Variants in RNF220 observed in about 807,000 individuals in gnomAD.
RNF220 encodes ring finger protein 220.
RNF220 carries 7 observed loss-of-function variants against 67.1 expected under a neutral mutation model. That is an observed-to-expected ratio of 0.10 (90% confidence interval 0.06 to 0.20). The LOEUF is 0.20. RNF220 is among the 10% of genes least tolerant of loss of function. The pLI, the probability that RNF220 is intolerant of heterozygous loss-of-function variation, is 1.00. For synonymous variants in RNF220, 270 were observed against 283.2 expected (o/e 0.95, Z 0.47); for missense variants, 565 against 740.3 (o/e 0.76, Z 2.75).
chr1:44,570,327 C>T (rs1558053458), intron 2 of RNF220, among the ~76,000 whole-genome samples: 1 of 152,202 alleles, frequency 6.6e-6, no homozygotes, highest in Non-Finnish European at 1.5e-5. Flanking sequence ...CCCTTGTCCA[C>T]TTTTCTATGA....
chr1:44,405,859 G>C (rs1043120825), intron 1 of RNF220, among the ~76,000 whole-genome samples: 3 of 152,166 alleles, frequency 2.0e-5, no homozygotes, highest in African/African-American at 7.2e-5. Context: ...CAAGTTGGGA[G>C]GGTGAGGGCA....
chr1:44,640,035 C>T (rs1446451349), intron 8 of RNF220, among the ~76,000 whole-genome samples: 1 of 152,198 alleles, frequency 6.6e-6, no homozygotes, highest in African/African-American at 2.4e-5. Flanking sequence ...GGTGATCCAC[C>T]CACCTCGGCC....
intron 2 of RNF220, among the ~76,000 whole-genome samples, chr1:44,555,266 C>T (rs559301009): frequency 6.6e-6 from 1 of 152,212 alleles, no homozygotes; most frequent in African/African-American, 2.4e-5. Context: ...CAGGATCTCA[C>T]TTTGTTGTTC....
chr1:44,416,265 A>G (rs1648522293), intron 2 of RNF220, among the ~76,000 whole-genome samples: 2 of 152,188 alleles, frequency 1.3e-5, no homozygotes, highest in African/African-American at 4.8e-5. Context: ...AGTCCCCAAG[A>G]CTCATTGTCC....
At position 44,504,034 on chromosome 1, in the gene RNF220, A is replaced by G. The variant is rs191621670; in HGVS notation, c.625+91312A>G. On this transcript the variant is annotated intron_variant, in intron 2 of 14. Coordinates refer to ENST00000361799, the MANE Select transcript of RNF220 (RefSeq NM_018150.4). The stretch of plus-strand genomic sequence containing the variant: ...CCAGCTAATTGTTTTTATTTTTAGT[A>G]GAGATGGGTTTCACTGTGTTAGCCA... 3.9e-5 allele frequency among the ~76,000 whole-genome samples: 6 copies of G among 152,110 alleles called. No homozygotes were observed. The East Asian group carries it at 9.7e-4, about 25-fold the overall frequency.
chr1:44,583,419 T>G (rs1428139540), intron 2 of RNF220, among the ~76,000 whole-genome samples: 1 of 152,200 alleles, frequency 6.6e-6, no homozygotes, highest in East Asian at 1.9e-4. Context: ...AGCTTCATTT[T>G]CATAGCTGTT....
At chr1:44,506,279 G>T (rs1356411926) in intron 2 of RNF220, among the ~76,000 whole-genome samples, 1 of 152,244 alleles carries the variant, frequency 6.6e-6, no homozygotes, top group Non-Finnish European at 1.5e-5. Context: ...GGGTGTGGAG[G>T]GGTGAAGGGG....
chr1:44,634,623 G>A (rs1644271337), intron 6 of RNF220, among the ~76,000 whole-genome samples: 1 of 152,204 alleles, frequency 6.6e-6, no homozygotes, highest in East Asian at 1.9e-4. Context: ...TCCTGCTGTG[G>A]CATTCTGGAA....
rs749362704 is a variant in RNF220 at position 44,450,950 on chromosome 1, G to A, written c.625+38228G>A. ...TGTAATCCCAGCACTTTGGTAGGCC[G>A]AGGTGGGCGGATCACGAGGTCAGGA... On this transcript the variant is annotated intron_variant, in intron 2 of 14. Coordinates refer to ENST00000361799, the MANE Select transcript of RNF220 (RefSeq NM_018150.4). 7.2e-5 allele frequency among the ~76,000 whole-genome samples: 11 copies of A among 152,108 alleles called. No homozygotes were observed. The South Asian group carries it at 8.3e-4, about 11-fold the overall frequency.
At chr1:44,426,867 G>C (rs1400674853) in intron 2 of RNF220, among the ~76,000 whole-genome samples, 1 of 152,098 alleles carries the variant, frequency 6.6e-6, no homozygotes, top group Non-Finnish European at 1.5e-5. Flanking sequence ...ATTCCTCCAA[G>C]TTCCCAGGGG....
chr1:44,627,857 T>G (rs913487583), intron 5 of RNF220, among the ~76,000 whole-genome samples: 2 of 152,166 alleles, frequency 1.3e-5, no homozygotes, highest in Non-Finnish European at 2.9e-5. Flanking sequence ...ACCCCTTCCT[T>G]CCAGCTGACA....
At chr1:44,615,842 G>A (rs1393309472) in intron 3 of RNF220, among the ~76,000 whole-genome samples, 1 of 152,220 alleles carries the variant, frequency 6.6e-6, no homozygotes, top group African/African-American at 2.4e-5. Flanking sequence ...CAACATACAT[G>A]TATTATCTCA....
At position 44,645,538 on chromosome 1, in the gene RNF220, A is replaced by AG; in HGVS notation, c.1445+54dup. On this transcript the variant is annotated intron_variant, in intron 12 of 14. Coordinates refer to ENST00000361799, the MANE Select transcript of RNF220 (RefSeq NM_018150.4). The surrounding 1 kb of genome is among the most constrained non-coding windows in gnomAD (Gnocchi z 5.0). Reference sequence around the variant, plus strand: ...CCTGGGACCACAGTTCAGTGGGAGGAGGGGCCCTTTGCTAGCAGGAAGGCC... The same window carrying AG: ...CCTGGGACCACAGTTCAGTGGGAGGAGGGGGCCCTTTGCTAGCAGGAAGGCC... 1 of 1,581,166 alleles carries AG rather than the reference A, an allele frequency of 6.3e-7. No individual in the cohort carries two copies. The highest frequency in any genetic ancestry group is 8.7e-7 in the Non-Finnish European group (1 of 1,154,508).
intron 6 of RNF220, among the ~76,000 whole-genome samples, chr1:44,634,022 A>G (rs1644249929): frequency 6.6e-6 from 1 of 152,270 alleles, no homozygotes; most frequent in African/African-American, 2.4e-5. Context: ...GGACTGGGCT[A>G]CAGACCAAGT....
chr1:44,632,260 G>C, intron 5 of RNF220, 83 bp from the exon 6 acceptor site: 6 of 1,613,642 alleles, frequency 3.7e-6, no homozygotes, highest in Non-Finnish European at 5.1e-6. Context: ...TCGGGGGTCC[G>C]GTGCTGGGGC....
intron 2 of RNF220, among the ~76,000 whole-genome samples, chr1:44,479,186 G>A (rs1655569431): frequency 1.3e-5 from 2 of 151,206 alleles, no homozygotes; most frequent in Admixed American, 1.3e-4. Context: ...CGCATTCTCG[G>A]CTCACTGCAA....
At chr1:44,636,909 C>T (rs950820559) in intron 8 of RNF220, among the ~76,000 whole-genome samples, 5 of 152,198 alleles carry the variant, frequency 3.3e-5, no homozygotes, top group African/African-American at 4.8e-5. Flanking sequence ...GTTGGGTGCC[C>T]AGGGTTAGTG....
chr1:44,409,032 A>G (rs890488346), intron 1 of RNF220: 1 of 152,276 alleles, frequency 6.6e-6, no homozygotes, highest in African/African-American at 2.4e-5. Context: ...AGCGCTGCGC[A>G]TCAGCCCAGC....
In RNF220 at chr1:44,519,828, C is replaced by A. The variant is rs1659762818; in HGVS notation, c.626-94337C>A. Among the ~76,000 whole-genome samples the A allele has an allele frequency of 1.3e-5, 2 of 152,132 alleles. 1 individual carries two copies. Among genetic ancestry groups the A allele is most frequent in the South Asian group, 4.1e-4 (2 of 4,824 alleles). On this transcript the variant is annotated intron_variant, in intron 2 of 14. Transcript: ENST00000361799. The stretch of plus-strand genomic sequence containing the variant: ...GAGAAAGTAGGGTTGAAATTATAAC[C>A]TTGGACCAAATTGTTAAGAGCCTTG...
Sources: gnomAD v4.1 joint callset for allele counts (sites outside exome capture counted in the v4.1 genomes callset) on GRCh38, gnomAD v4.1.1 for gene constraint, Gnocchi (gnomAD v3.1) non-coding constraint, MANE v1.5 for transcripts, NCBI Gene and HGNC (gene_info 2026-07-23, HGNC 2026-07-21) for gene names.